Variants in PCCA observed in about 807,000 individuals in gnomAD.
PCCA encodes the protein propionyl-CoA carboxylase subunit alpha, also known as propionyl-CoA carboxylase alpha chain, mitochondrial.
Under a neutral mutation model 101.3 loss-of-function variants are expected in PCCA, and 74 were observed. The observed-to-expected ratio is 0.73, with a 90% CI of 0.61 to 0.89. The LOEUF (loss-of-function observed/expected upper bound fraction) is 0.89. Among genes scored for constraint, PCCA ranks in the 40% least tolerant of loss-of-function variants. The pLI, the probability that PCCA is intolerant of heterozygous loss-of-function variation, is 0.00. For missense variants in PCCA, 891 were observed against 907.0 expected (o/e 0.98, Z 0.23); for synonymous variants, 294 against 313.6 (o/e 0.94, Z 0.66).
intron 22 of PCCA, among the ~76,000 whole-genome samples, chr13:100,517,468 A>T (rs72661014): frequency 1.3e-5 from 2 of 152,116 alleles, no homozygotes; most frequent in Non-Finnish European, 2.9e-5. Flanking sequence ...TGTAGCTCAG[A>T]TATTAAAAAC....
At chr13:100,216,591 G>A (rs2059534873) in intron 7 of PCCA, among the ~76,000 whole-genome samples, 1 of 152,140 alleles carries the variant, frequency 6.6e-6, no homozygotes, top group African/African-American at 2.4e-5. Context: ...AATATTCTAG[G>A]AGATAAATTT....
intron 17 of PCCA, among the ~76,000 whole-genome samples, chr13:100,338,531 AC>A (rs1246500174): frequency 6.6e-6 from 1 of 152,102 alleles, no homozygotes; most frequent in African/African-American, 2.4e-5. Context: ...TGCTATGAGA[AC>A]TGTTCTTCTC....
chr13:100,105,262 T>C (rs777460630), intron 2 of PCCA, among the ~76,000 whole-genome samples: 1 of 152,082 alleles, frequency 6.6e-6, no homozygotes, highest in Non-Finnish European at 1.5e-5. Flanking sequence ...ATAGTGCAGG[T>C]CTATTGAATT....
chr13:100,099,422 A>T (rs1428502160), intron 1 of PCCA, among the ~76,000 whole-genome samples: 1 of 145,312 alleles, frequency 6.9e-6, no homozygotes, highest in African/African-American at 2.6e-5. Flanking sequence ...GGTTCACGCC[A>T]TTCTCCCGCC....
intron 4 of PCCA, among the ~76,000 whole-genome samples, chr13:100,121,173 TTTTTA>T (rs1246692831): frequency 0.012 from 1,234 of 100,188 alleles, 16 homozygotes; most frequent in South Asian, 0.035. Context: ...TTTTTTTTTT[TTTTTA>T]AAGATGGAGT....
At chr13:100,212,695 C>T (rs112903083) in intron 7 of PCCA, among the ~76,000 whole-genome samples, 1 of 152,136 alleles carries the variant, frequency 6.6e-6, no homozygotes, top group Non-Finnish European at 1.5e-5. Context: ...TTCTTCACCT[C>T]AAGTATTTAT....
rs1178526960 is a variant in PCCA, at chr13:100,340,230, A to T, written c.1614A>T (p.Leu538Phe). 1.4e-5 allele frequency: 22 copies of T among 1,604,394 alleles called. No individual in the cohort carries two copies. Among genetic ancestry groups the T allele is most frequent in the Non-Finnish European group, 1.4e-5 (16 of 1,171,276 alleles). ...CATCATTGTTTGTGGCATTCCAGTT[A>T]AGAGCACAACATTTTCAAGAAAATT... Reference protein sequence around the residue: ...IASSLFVAFQLRAQHFQENSR... With the variant: ...IASSLFVAFQFRAQHFQENSR... The change falls in exon 18 of 24, where the codon TTA becomes TTT. Residue 538 changes from leucine to phenylalanine, a missense_variant. Transcript: ENST00000376285.
chr13:100,366,571 G>A (rs1296643955), intron 18 of PCCA, among the ~76,000 whole-genome samples: 1 of 152,022 alleles, frequency 6.6e-6, no homozygotes, highest in Non-Finnish European at 1.5e-5. Flanking sequence ...AGGAATACTG[G>A]CACAGAAGCC....
intron 7 of PCCA, among the ~76,000 whole-genome samples, chr13:100,225,825 C>A (rs2060115948): frequency 1.3e-5 from 2 of 151,894 alleles, no homozygotes; most frequent in Admixed American, 1.3e-4. Context: ...GAGTGTCGCT[C>A]AGTCACCCAG....
chr13:100,216,064 C>T (rs1227334730), intron 7 of PCCA, among the ~76,000 whole-genome samples: 1 of 151,710 alleles, frequency 6.6e-6, no homozygotes, highest in Non-Finnish European at 1.5e-5. Flanking sequence ...CCTTTCCCTT[C>T]CCCTTCCCCT....
At chr13:100,294,412 A>T (rs1292240029) in intron 12 of PCCA, among the ~76,000 whole-genome samples, 1 of 152,038 alleles carries the variant, frequency 6.6e-6, no homozygotes, top group Non-Finnish European at 1.5e-5. Flanking sequence ...TCACCAGGGG[A>T]ACCCTATAAT....
intron 19 of PCCA, among the ~76,000 whole-genome samples, chr13:100,381,437 C>T (rs559149115): frequency 6.6e-6 from 1 of 151,620 alleles, no homozygotes; most frequent in Non-Finnish European, 1.5e-5. Flanking sequence ...AAATTGAAAC[C>T]TTCAAATGCT....
intron 21 of PCCA, among the ~76,000 whole-genome samples, chr13:100,484,448 A>G (rs1421137552): frequency 3.3e-5 from 5 of 152,242 alleles, no homozygotes; most frequent in African/African-American, 9.6e-5. Flanking sequence ...AGAGAAACTC[A>G]TCAGACTGCA....
At chr13:100,525,983 C>G (rs1273520172) in intron 22 of PCCA, among the ~76,000 whole-genome samples, 3 of 152,316 alleles carry the variant, frequency 2.0e-5, no homozygotes, top group Non-Finnish European at 4.4e-5. Flanking sequence ...GTCCTGTTGC[C>G]TGAGTGCTCA....
chr13:100,282,370 C>T (rs1020892893), intron 12 of PCCA, among the ~76,000 whole-genome samples: 6 of 152,372 alleles, frequency 3.9e-5, no homozygotes, highest in South Asian at 4.1e-4. Context: ...TTCAGCCCAC[C>T]GCTGCACTGT....
chr13:100,423,317 T>A (rs2078946292), intron 19 of PCCA, among the ~76,000 whole-genome samples: 1 of 152,236 alleles, frequency 6.6e-6, no homozygotes, highest in Non-Finnish European at 1.5e-5. Flanking sequence ...CCAGCCCACC[T>A]TTCTCTGGTA....
chr13:100,386,073 G>C lies in PCCA; in HGVS notation c.1746+17499G>C, dbSNP rs367790782. ...ATAGTCATGTTAGTATTATTTCTTAGAGCAGAAGACTGGAAAGAACTAGCA... is the reference window on the plus strand; with the variant it reads ...ATAGTCATGTTAGTATTATTTCTTACAGCAGAAGACTGGAAAGAACTAGCA... On this transcript the variant is annotated intron_variant, in intron 19 of 23. Transcript: ENST00000376285. 1.1e-3 allele frequency among the ~76,000 whole-genome samples: 166 copies of C among 152,306 alleles called. 6 individuals are homozygous for C. The South Asian group carries it at 0.031, about 29-fold the overall frequency.
intron 14 of PCCA, 49 bp downstream of exon 14, chr13:100,303,047 A>G (rs1237703120): frequency 3.9e-6 from 4 of 1,013,950 alleles, no homozygotes; most frequent in Admixed American, 1.7e-5. Flanking sequence ...ATCGTGATTT[A>G]TGTCATACTT....
intron 21 of PCCA, among the ~76,000 whole-genome samples, chr13:100,470,257 G>T (rs1394101851): frequency 2.0e-5 from 3 of 152,080 alleles, no homozygotes; most frequent in East Asian, 3.9e-4. Context: ...TGTGTTTTGG[G>T]TTTTTTTGGG....
Sources: allele counts gnomAD v4.1 joint callset (sites outside exome capture counted in the v4.1 genomes callset), GRCh38; gene constraint gnomAD v4.1.1; transcripts MANE v1.5; gene names NCBI Gene and HGNC (gene_info 2026-07-23, HGNC 2026-07-21).